Variants in FOXO1 observed in about 807,000 individuals in gnomAD.
The protein encoded by FOXO1 is forkhead box O1.
In FOXO1, 6 loss-of-function variants were observed where a neutral mutation model predicts 44.1. That is an observed-to-expected ratio of 0.14 (90% CI 0.07 to 0.27). FOXO1 has a LOEUF of 0.27. Among genes scored for constraint, FOXO1 ranks in the 10% least tolerant of loss-of-function variants. The pLI is 1.00. For missense variants in FOXO1, 737 were observed against 888.8 expected (o/e 0.83, Z 2.17); for synonymous variants, 380 against 362.7 (o/e 1.05, Z -0.54).
At chr13:40,662,122 G>C (rs1343726413) in intron 1 of FOXO1, among the ~76,000 whole-genome samples, 1 of 130,118 alleles carries the variant, frequency 7.7e-6, no homozygotes, top group Non-Finnish European at 1.5e-5. Context: ...AGCAAGCCGA[G>C]ATTGCGCCAC....
chr13:40,603,746 G>C (rs1308014114), intron 1 of FOXO1, among the ~76,000 whole-genome samples: 1 of 152,114 alleles, frequency 6.6e-6, no homozygotes, highest in Non-Finnish European at 1.5e-5. Flanking sequence ...TAATTTATCA[G>C]CAGCTTAAGT....
intron 1 of FOXO1, among the ~76,000 whole-genome samples, chr13:40,617,297 T>C (rs1332478119): frequency 6.6e-6 from 1 of 152,012 alleles, no homozygotes; most frequent in East Asian, 1.9e-4. Flanking sequence ...AATACAAAAT[T>C]AGCCGGACGT....
At chr13:40,655,434 C>A (rs2137938700) in intron 1 of FOXO1, among the ~76,000 whole-genome samples, 1 of 150,846 alleles carries the variant, frequency 6.6e-6, no homozygotes, top group East Asian at 1.9e-4. Context: ...ACATCATTAA[C>A]AATCATGCAA....
chr13:40,615,146 A>G (rs1314369600), intron 1 of FOXO1, among the ~76,000 whole-genome samples: 1 of 152,222 alleles, frequency 6.6e-6, no homozygotes, highest in Non-Finnish European at 1.5e-5. Context: ...AATGAACAAA[A>G]CAGAGGATGC....
chr13:40,642,829 G>A (rs545773672), intron 1 of FOXO1, among the ~76,000 whole-genome samples: 61 of 152,236 alleles, frequency 4.0e-4, no homozygotes, highest in African/African-American at 1.4e-3. Context: ...TGAAGTGGGA[G>A]GACTGCTTGA....
At position 40,645,964 on chromosome 13, in the gene FOXO1, G is replaced by C. The variant is rs75281903; in HGVS notation, c.630+19619C>G. 1.4e-3 allele frequency among the ~76,000 whole-genome samples: 208 copies of C among 152,068 alleles called. No individual in the cohort carries two copies. The Middle Eastern group carries it at 0.017, about 12-fold the overall frequency. On this transcript the variant is annotated intron_variant, in intron 1 of 2. Transcript: ENST00000379561. ...GCTGTAATCCCAGCTACTCCGGTGA[G>C]GCTGAGGCAGGAGAATTGCTTGAAC... is the stretch of plus-strand genomic sequence containing the variant.
At chr13:40,611,179 T>C (rs1182298007) in intron 1 of FOXO1, 13 of 375,350 alleles carry the variant, frequency 3.5e-5, no homozygotes, top group East Asian at 8.6e-5. Context: ...TGAGTTTTGT[T>C]CTACCCTGTT....
chr13:40,609,200 G>A (rs971525993), intron 1 of FOXO1, among the ~76,000 whole-genome samples: 5 of 152,052 alleles, frequency 3.3e-5, no homozygotes, highest in African/African-American at 7.2e-5. Flanking sequence ...ATAAAATTAC[G>A]TTTGGATGAC....
intron 1 of FOXO1, among the ~76,000 whole-genome samples, chr13:40,663,324 T>G (rs1197945132): frequency 6.6e-6 from 1 of 152,250 alleles, no homozygotes; most frequent in Non-Finnish European, 1.5e-5. Context: ...AACCTAAATC[T>G]TAAAAAGTGT....
chr13:40,628,256 C>T (rs1876850619), intron 1 of FOXO1, among the ~76,000 whole-genome samples: 1 of 151,678 alleles, frequency 6.6e-6, no homozygotes, highest in Admixed American at 6.6e-5. Flanking sequence ...CGTTCTCGAG[C>T]GTGGTGATGT....
intron 1 of FOXO1, among the ~76,000 whole-genome samples, chr13:40,657,301 T>G (rs1001461399): frequency 6.7e-6 from 1 of 150,020 alleles, no homozygotes; most frequent in Non-Finnish European, 1.5e-5. Flanking sequence ...AAGGGAACAA[T>G]CTCCCATCCT....
intron 1 of FOXO1, among the ~76,000 whole-genome samples, chr13:40,635,895 AC>A (rs1170355617): frequency 2.6e-5 from 4 of 152,160 alleles, no homozygotes; most frequent in African/African-American, 9.7e-5. Flanking sequence ...CATGTGACAG[AC>A]CCACAGTGGC....
chr13:40,664,475 C>A (rs1593421205), intron 1 of FOXO1, among the ~76,000 whole-genome samples: 1 of 152,018 alleles, frequency 6.6e-6, no homozygotes, highest in South Asian at 2.1e-4. Flanking sequence ...CTCCTGGCCA[C>A]GCTCTGAAAG....
At chr13:40,618,871 G>T (rs73467022) in intron 1 of FOXO1, 2 of 527,134 alleles carry the variant, frequency 3.8e-6, no homozygotes, top group Non-Finnish European at 7.6e-6. Flanking sequence ...ACTCGATGAA[G>T]ATTATCGGCT....
At chr13:40,636,542 C>CA (rs1156387435) in intron 1 of FOXO1, among the ~76,000 whole-genome samples, 1 of 113,708 alleles carries the variant, frequency 8.8e-6, no homozygotes, top group Non-Finnish European at 1.7e-5. Flanking sequence ...TTTTTTGAGA[C>CA]AGAGTTTCAC....
intron 1 of FOXO1, among the ~76,000 whole-genome samples, chr13:40,578,135 G>A (rs972021051): frequency 1.3e-5 from 2 of 152,102 alleles, no homozygotes; most frequent in Non-Finnish European, 2.9e-5. Flanking sequence ...CTAAAGAAAG[G>A]GCAGTGGAGC....
chr13:40,644,423 T>C (rs1023076529), intron 1 of FOXO1, among the ~76,000 whole-genome samples: 4 of 151,972 alleles, frequency 2.6e-5, no homozygotes, highest in East Asian at 1.9e-4. Flanking sequence ...AAAAATTTAC[T>C]AGGAGAGAAA....
chr13:40,593,853 G>C (rs552075348), intron 1 of FOXO1, among the ~76,000 whole-genome samples: 10 of 152,124 alleles, frequency 6.6e-5, no homozygotes, highest in Non-Finnish European at 1.2e-4. Flanking sequence ...TTTTGGCTCT[G>C]AGATAATTTG....
At chr13:40,559,135 T>A in intron 2 of FOXO1, 101 bp from the exon 3 acceptor site, 1 of 403,212 alleles carries the variant, frequency 2.5e-6, no homozygotes. Context: ...GTGACAGACA[T>A]ACTTAGGGGC....
Sources: gnomAD v4.1 joint callset for allele counts (sites outside exome capture counted in the v4.1 genomes callset) on GRCh38, gnomAD v4.1.1 for gene constraint, MANE v1.5 for transcripts, NCBI Gene and HGNC (gene_info 2026-07-23, HGNC 2026-07-21) for gene names.